LY75: variants seen among roughly 807,000 people sequenced by gnomAD.
LY75 encodes C-type lectin domain family 13 member B.
A neutral mutation model predicts 231.7 loss-of-function variants in LY75; 185 were observed. That is an observed-to-expected ratio of 0.80 (90% confidence interval 0.71 to 0.90). The LOEUF (loss-of-function observed/expected upper bound fraction) is 0.90, where lower values mean the gene tolerates loss of function less well. Ranked by LOEUF, LY75 falls within the 40% of genes least tolerant of loss-of-function variation. The pLI is 0.00. For missense variants in LY75, 1,947 were observed against 2,050.2 expected (o/e 0.95, Z 0.97); for synonymous variants, 668 against 689.0 (o/e 0.97, Z 0.48).
At chr2:159,808,253 G>C (rs1682846952) in intron 33 of LY75, 196 bp downstream of exon 33, 1 of 775,760 alleles carries the variant, frequency 1.3e-6, no homozygotes, top group Non-Finnish European at 1.6e-6. Flanking sequence ...GTCATTAGTG[G>C]TTTCCGTCAT....
intron 12 of LY75, 144 bp from the exon 13 acceptor site, chr2:159,872,737 G>C (rs368279145): frequency 9.4e-5 from 82 of 870,380 alleles, no homozygotes; most frequent in East Asian, 6.9e-4. Flanking sequence ...CACATATACT[G>C]AGACACAGAC....
intron 17 of LY75, among the ~76,000 whole-genome samples, 181 bp from the exon 18 acceptor site, chr2:159,854,716 C>CA (rs1684499814): frequency 6.6e-6 from 1 of 152,186 alleles, no homozygotes; most frequent in Non-Finnish European, 1.5e-5. Context: ...CACTCCCCTA[C>CA]ACTCACAGGG....
Position 159,807,116 on chromosome 2 carries a change from C to A in LY75, c.4847G>T (p.Gly1616Val). 1 of 1,613,230 alleles carries A rather than the reference C, an allele frequency of 6.2e-7. No individual in the cohort carries two copies. The highest frequency in any genetic ancestry group is 8.5e-7 in the Non-Finnish European group (1 of 1,179,616). The change falls in exon 34 of 35, where the codon GGA (glycine) becomes GTA (valine). Residue 1616 changes from glycine to valine, a missense_variant. Transcript: ENST00000263636. ...CCATTTGACAAATGTCACTTCTGAT[C>A]CATCTAACCAACTCCAAGACTGGTC... Reference protein sequence around the residue: ...SVDQSWSWLDGSEVTFVKWEN... With the variant: ...SVDQSWSWLDVSEVTFVKWEN...
chr2:159,808,935 C>A (rs1682871421), intron 32 of LY75, among the ~76,000 whole-genome samples: 1 of 152,142 alleles, frequency 6.6e-6, no homozygotes, highest in Non-Finnish European at 1.5e-5. Context: ...GGGATTTGAA[C>A]CCAGACCCTC....
At chr2:159,892,843 C>G (rs1401962569) in intron 3 of LY75, among the ~76,000 whole-genome samples, 1 of 152,120 alleles carries the variant, frequency 6.6e-6, no homozygotes, top group African/African-American at 2.4e-5. Context: ...CGAGAAAAAG[C>G]ACTCTGACAA....
chr2:159,817,050 A>G lies in LY75; in HGVS notation c.4154-18T>C. ...GTAGTCAACTATAATAATTAAAAGC[A>G]CTGGTGATTAAAATTTAAATTATTT... is the stretch of plus-strand genomic sequence containing the variant. On this transcript the variant is annotated intron_variant, in intron 29 of 34. Transcript: ENST00000263636. 1.3e-6 allele frequency: 2 copies of G among 1,558,100 alleles called. No individual in the cohort carries two copies. The highest frequency in any genetic ancestry group is 1.7e-6 in the Non-Finnish European group (2 of 1,150,050).
chr2:159,843,391 T>C (rs1376730991), intron 23 of LY75, among the ~76,000 whole-genome samples: 1 of 152,034 alleles, frequency 6.6e-6, no homozygotes. Context: ...AATAGACAAC[T>C]TTCTTGAAAA....
At chr2:159,892,218 A>G (rs1238432254) in intron 3 of LY75, among the ~76,000 whole-genome samples, 1 of 152,200 alleles carries the variant, frequency 6.6e-6, no homozygotes, top group East Asian at 1.9e-4. Context: ...TTAACCCAGT[A>G]TAATCTCTCC....
intron 31 of LY75, among the ~76,000 whole-genome samples, chr2:159,814,997 C>CTTT (rs3035627): frequency 2.2e-4 from 25 of 111,426 alleles, no homozygotes; most frequent in African/African-American, 5.0e-4. Flanking sequence ...GTGAATACAT[C>CTTT]TTTTTTTTTT....
intron 17 of LY75, 77 bp from the exon 18 acceptor site, chr2:159,854,612 C>A: frequency 6.7e-7 from 1 of 1,495,058 alleles, no homozygotes; most frequent in South Asian, 1.3e-5. Context: ...AGTTAATGTT[C>A]AAAACTATAA....
In LY75 at chr2:159,835,656, C is replaced by G. The variant is rs1316377525; in HGVS notation, c.3508-11G>C. 3 of 1,610,478 alleles carry G rather than the reference C, an allele frequency of 1.9e-6. No homozygotes were observed. The highest frequency in any genetic ancestry group is 2.5e-6 in the Non-Finnish European group (3 of 1,178,838). ...AAAGTTGAGTTCATCCTGTAAGGAGCAGAAGTACATTTCAGGTGGCAATAT... is the reference window on the plus strand; with the variant it reads ...AAAGTTGAGTTCATCCTGTAAGGAGGAGAAGTACATTTCAGGTGGCAATAT... On this transcript the variant is annotated splice_polypyrimidine_tract_variant and intron_variant, in intron 25 of 34. Coordinates refer to ENST00000263636, the MANE Select transcript of LY75 (RefSeq NM_002349.4).
At chr2:159,877,644 T>C (rs1280436677) in intron 11 of LY75, among the ~76,000 whole-genome samples, 1 of 151,958 alleles carries the variant, frequency 6.6e-6, no homozygotes, top group African/African-American at 2.4e-5. Context: ...CTGAGGCAGA[T>C]GGATTACTTG....
Position 159,834,073 on chromosome 2 carries a change from TC to T in LY75, c.3811del (p.Asp1271MetfsTer10), listed in dbSNP as rs781061852. 1 of 1,613,894 alleles carries T rather than the reference TC, an allele frequency of 6.2e-7. No homozygotes were observed. The highest frequency in any genetic ancestry group is 1.1e-5 in the South Asian group (1 of 91,052). Reference sequence around the variant, plus strand: ...TTTCTGGCATTTAGTATGAACTTCATCCTGTGTTGTTGCCATATGCCTATTC... The same window carrying T: ...TTTCTGGCATTTAGTATGAACTTCATCTGTGTTGTTGCCATATGCCTATTC... ...TKNRHMATTQ[D>X]EVHTKCQKLN... On this transcript the variant is annotated frameshift_variant, in exon 27 of 35. Transcript: ENST00000263636. LOFTEE classifies it high-confidence loss of function.
At chr2:159,891,323 G>A (rs530450188) in intron 3 of LY75, among the ~76,000 whole-genome samples, 1 of 152,306 alleles carries the variant, frequency 6.6e-6, no homozygotes, top group South Asian at 2.1e-4. Flanking sequence ...TGGTCTTGTT[G>A]ATCCTCTGAT....
intron 12 of LY75, among the ~76,000 whole-genome samples, chr2:159,875,102 T>C (rs1250897662): frequency 2.0e-5 from 3 of 150,420 alleles, no homozygotes; most frequent in African/African-American, 7.3e-5. Flanking sequence ...TTATTAGGAG[T>C]GCTGGAGCTG....
At chr2:159,887,128 A>C (rs111743328) in intron 4 of LY75, among the ~76,000 whole-genome samples, 1 of 148,024 alleles carries the variant, frequency 6.8e-6, no homozygotes, top group African/African-American at 2.5e-5. Flanking sequence ...TATTATATAT[A>C]ATATAACATA....
In LY75 at chr2:159,834,059, T is replaced by C. The variant is rs369687693; in HGVS notation, c.3826A>G (p.Lys1276Glu). 5 of 1,613,680 alleles carry C rather than the reference T, an allele frequency of 3.1e-6. No individual in the cohort carries two copies. The African/African-American group carries it at 5.3e-5, about 17-fold the overall frequency. Residue 1276 changes from lysine to glutamate, a missense_variant, in exon 27 of 35, where the codon AAA (lysine) becomes GAA (glutamate). Lys to Glu is a moderately conservative substitution (Grantham distance 56). Transcript: ENST00000263636. The part of the protein sequence containing the change: ...MATTQDEVHT[K>E]CQKLNPKSHI... ...TAATACTTACTCAGTTTCTGGCATT[T>C]AGTATGAACTTCATCCTGTGTTGTT...
At chr2:159,838,805 T>TAA (rs1419290614) in intron 25 of LY75, among the ~76,000 whole-genome samples, 12 of 151,886 alleles carry the variant, frequency 7.9e-5, no homozygotes, top group Non-Finnish European at 1.8e-4. Context: ...TAATTAATTT[T>TAA]TTTATTTAGA....
rs1290955080 is a variant in LY75 at position 159,898,885 on chromosome 2, T to G, written c.269A>C (p.Lys90Thr). 6.2e-7 allele frequency: 1 copy of G among 1,614,132 alleles called. No individual in the cohort carries two copies. Among genetic ancestry groups the G allele is most frequent in the East Asian group, 2.2e-5 (1 of 44,880 alleles). ...SQKCLGLDITKSVNELRMFSC... is the reference protein window; with the variant it reads ...SQKCLGLDITTSVNELRMFSC... ...GAACATTCTCAGCTCATTTACCGAT[T>G]TGGTAATATCGAGGCCAAGGCACTT... Residue 90 changes from lysine (K) to threonine (T), a missense_variant, in exon 2 of 35, where the codon AAA (lysine) becomes ACA (threonine). Physicochemically the swap from Lys to Thr is moderately conservative, Grantham distance 78. Coordinates refer to ENST00000263636, the MANE Select transcript of LY75 (RefSeq NM_002349.4).
Sources: allele counts gnomAD v4.1 joint callset (sites outside exome capture counted in the v4.1 genomes callset), GRCh38; gene constraint gnomAD v4.1.1; transcripts MANE v1.5; gene names NCBI Gene and HGNC (gene_info 2026-07-23, HGNC 2026-07-21).